NOM1: variants seen among roughly 807,000 people sequenced by gnomAD.
NOM1 encodes the protein nucleolar protein with MIF4G domain 1, also known as nucleolar MIF4G domain-containing protein 1.
Under a neutral mutation model 73.3 loss-of-function variants are expected in NOM1, and 58 were observed. That is an observed-to-expected ratio of 0.79 (90% confidence interval 0.64 to 0.99). NOM1 has a LOEUF of 0.99. Ranked by LOEUF, NOM1 falls within the 50% of genes least tolerant of loss-of-function variation. The pLI, the probability that NOM1 is intolerant of heterozygous loss-of-function variation, is 0.00. For missense variants in NOM1, 1,226 were observed against 1,131.9 expected (o/e 1.08, Z -1.19); for synonymous variants, 487 against 446.8 (o/e 1.09, Z -1.14).
intron 10 of NOM1, 109 bp from the exon 11 acceptor site, chr7:156,969,420 T>G: frequency 1.0e-6 from 1 of 994,738 alleles, no homozygotes; most frequent in Non-Finnish European, 1.5e-6. Context: ...TAATTGAGAA[T>G]TTTATTTTTA....
chr7:156,958,610 A>G (rs1241657032), intron 3 of NOM1: 2 of 152,212 alleles, frequency 1.3e-5, no homozygotes, highest in African/African-American at 4.8e-5. Flanking sequence ...ACACAGTGAA[A>G]AAACAGGGTT....
rs765394656 is a variant in NOM1 at position 156,962,279 on chromosome 7, C to T, written c.1743+18C>T. 1 of 1,588,394 alleles carries T rather than the reference C, an allele frequency of 6.3e-7. No homozygotes were observed. Among genetic ancestry groups the T allele is most frequent in the African/African-American group, 1.3e-5 (1 of 74,372 alleles). On this transcript the variant is annotated intron_variant, in intron 5 of 10. Coordinates refer to ENST00000275820, the MANE Select transcript of NOM1 (RefSeq NM_138400.2). Reference sequence around the variant, plus strand: ...GAGCTTTGGTGAGTCAAGGAACTTTCAATTCTGTTTTGCTCAGAGCTTCCG... The same window carrying T: ...GAGCTTTGGTGAGTCAAGGAACTTTTAATTCTGTTTTGCTCAGAGCTTCCG...
chr7:156,956,259 G>C (rs2134778022), intron 3 of NOM1, among the ~76,000 whole-genome samples: 1 of 152,066 alleles, frequency 6.6e-6, no homozygotes, highest in Non-Finnish European at 1.5e-5. Flanking sequence ...GGGCTTCTGT[G>C]CTGAAGGCGG....
In NOM1 at chr7:156,959,954, A is replaced by G. The variant is rs1426392183; in HGVS notation, c.1412A>G (p.His471Arg). ...ECDNLFTVIA[H>R]LYNFHVVQSL... is the part of the protein sequence containing the mutation. ...GACAACCTGTTCACCGTCATTGCCC[A>G]TTTATACAACTTCCACGTGGTACAG... The change falls in exon 4 of 11, where the codon CAT (histidine) becomes CGT (arginine). Residue 471 changes from histidine to arginine, a missense_variant. By Grantham distance (29) the His-to-Arg change is conservative (BLOSUM62 0). Transcript: ENST00000275820. 1.9e-6 allele frequency: 3 copies of G among 1,613,898 alleles called. No homozygotes were observed.
chr7:156,957,350 T>C (rs1257963231), intron 3 of NOM1, among the ~76,000 whole-genome samples: 1 of 152,248 alleles, frequency 6.6e-6, no homozygotes, highest in African/African-American at 2.4e-5. Context: ...ACGTACAGGA[T>C]GTGCTTGAAT....
At chr7:156,955,433 A>G (rs1804697735) in intron 3 of NOM1, among the ~76,000 whole-genome samples, 1 of 152,180 alleles carries the variant, frequency 6.6e-6, no homozygotes, top group African/African-American at 2.4e-5. Flanking sequence ...CCCGTGATAC[A>G]GTATTTACAT....
chr7:156,958,770 C>G (rs1310887970), intron 3 of NOM1: 1 of 152,242 alleles, frequency 6.6e-6, no homozygotes, highest in Non-Finnish European at 1.5e-5. Flanking sequence ...CAGTTCCTGG[C>G]CCCACTTCCG....
chr7:156,955,938 C>T (rs187936944), intron 3 of NOM1, among the ~76,000 whole-genome samples: 1 of 152,256 alleles, frequency 6.6e-6, no homozygotes, highest in East Asian at 1.9e-4. Flanking sequence ...CTCGTGTAAT[C>T]CCAGCACTTT....
chr7:156,969,382 TTAATAA>T lies in NOM1; in HGVS notation c.2409-143_2409-138del, dbSNP rs973710565. ...TCTGCTAGCAAACTAACAATGATTG[TTAATAA>T]TAAAATATGTTAAGAAGTTCTTAAT... On this transcript the variant is annotated intron_variant, in intron 10 of 10. Coordinates refer to ENST00000275820, the MANE Select transcript of NOM1 (RefSeq NM_138400.2). 7 of 781,034 alleles carry T rather than the reference TTAATAA, an allele frequency of 9.0e-6. No homozygotes were observed. The South Asian group carries it at 9.6e-5, about 11-fold the overall frequency. The allele number at this position is 781,034 out of a possible 1,614,324, so 48.4% of individuals were successfully genotyped here. A position where few individuals can be genotyped will look rare whatever the true frequency, so the allele number is the denominator to read the frequency against.
chr7:156,966,478 G>A (rs746981819), intron 8 of NOM1, 76 bp downstream of exon 8: 3 of 1,550,836 alleles, frequency 1.9e-6, no homozygotes, highest in Non-Finnish European at 2.6e-6. Flanking sequence ...CAACCCACCT[G>A]CAAAGGAGTT....
chr7:156,956,657 A>G (rs1451189711), intron 3 of NOM1, among the ~76,000 whole-genome samples: 1 of 152,234 alleles, frequency 6.6e-6, no homozygotes, highest in Non-Finnish European at 1.5e-5. Flanking sequence ...CACAGGCCTG[A>G]GCATCTGAGT....
intron 8 of NOM1, 112 bp downstream of exon 8, chr7:156,966,514 C>T (rs1805002570): frequency 1.6e-6 from 2 of 1,267,812 alleles, no homozygotes; most frequent in South Asian, 2.6e-5. Context: ...CCCCTGATAT[C>T]CCCGTCACCT....
intron 9 of NOM1, among the ~76,000 whole-genome samples, chr7:156,968,158 C>A (rs908104981): frequency 6.6e-6 from 1 of 152,200 alleles, no homozygotes; most frequent in African/African-American, 2.4e-5. Context: ...ATCCTGACAA[C>A]TGGAATAACT....
chr7:156,960,148 G>C lies in NOM1; in HGVS notation c.1606G>C (p.Gly536Arg). The change falls in exon 4 of 11, where the codon GGC (glycine) becomes CGC (arginine). Residue 536 changes from glycine (G) to arginine (R), a missense_variant. By Grantham distance (125) the Gly-to-Arg change is moderately radical. Coordinates refer to ENST00000275820, the MANE Select transcript of NOM1 (RefSeq NM_138400.2). ...AGCCCAGACCAAAGCCAGCGGGGCA[G>C]GCAGCGAGTTTCAGGACCAGACCAG... ...TEAQTKASGA[G>R]SEFQDQTRIR... 6.2e-7 allele frequency: 1 copy of C among 1,613,464 alleles called. No homozygotes were observed. Among genetic ancestry groups the C allele is most frequent in the Non-Finnish European group, 8.5e-7 (1 of 1,179,902 alleles).
At chr7:156,956,216 A>G (rs1833140) in intron 3 of NOM1, among the ~76,000 whole-genome samples, 1 of 150,356 alleles carries the variant, frequency 6.7e-6, no homozygotes, top group Non-Finnish European at 1.5e-5. Context: ...AGATGCACGG[A>G]TTTGCCAAAA....
intron 10 of NOM1, 75 bp from the exon 11 acceptor site, chr7:156,969,454 A>G: frequency 1.6e-6 from 2 of 1,263,116 alleles, no homozygotes; most frequent in South Asian, 1.4e-5. Flanking sequence ...ATGTCTCACT[A>G]TGCGAGATAC....
chr7:156,966,114 G>A, intron 7 of NOM1, 156 bp from the exon 8 acceptor site: 2 of 815,224 alleles, frequency 2.5e-6, no homozygotes, highest in Non-Finnish European at 3.9e-6. Flanking sequence ...TGACAGGGCT[G>A]GGCCCCTAGC....
intron 8 of NOM1, among the ~76,000 whole-genome samples, chr7:156,966,648 A>G (rs886876077): frequency 2.3e-4 from 35 of 152,222 alleles, no homozygotes; most frequent in Non-Finnish European, 7.3e-5. Flanking sequence ...CAGTGTGGCC[A>G]GGCCAGCAGG....
Position 156,969,715 on chromosome 7 carries a change from A to AG in NOM1, c.*14dup. The AG allele has an allele frequency of 6.3e-7, 1 of 1,597,218 alleles. No individual in the cohort carries two copies. Among genetic ancestry groups the AG allele is most frequent in the Admixed American group, 1.7e-5 (1 of 59,186 alleles). On this transcript the variant is annotated 3_prime_UTR_variant, in exon 11 of 11. Coordinates refer to ENST00000275820, the MANE Select transcript of NOM1 (RefSeq NM_138400.2). ...CCCTGAGAATGTAGTCAGGGAAGGA[A>AG]GGAGGGCAGGTGGCCCTTTGACTGT...
Sources: allele counts gnomAD v4.1 joint callset (sites outside exome capture counted in the v4.1 genomes callset), GRCh38; gene constraint gnomAD v4.1.1; transcripts MANE v1.5; gene names NCBI Gene and HGNC (gene_info 2026-07-23, HGNC 2026-07-21).